Variants in PIK3R1 observed in about 807,000 individuals in gnomAD.
PIK3R1 encodes the protein phosphoinositide-3-kinase regulatory subunit 1.
In PIK3R1, 29 loss-of-function variants were observed where a neutral mutation model predicts 98.0. That is an observed-to-expected ratio of 0.30 (90% CI 0.22 to 0.40). The LOEUF (loss-of-function observed/expected upper bound fraction) is 0.40, where lower values mean the gene tolerates loss of function less well. Among genes scored for constraint, PIK3R1 ranks in the 10% least tolerant of loss-of-function variants. The pLI is 1.00. For synonymous variants in PIK3R1, 282 were observed against 311.8 expected (o/e 0.90, Z 1.01); for missense variants, 596 against 872.7 (o/e 0.68, Z 3.99).
At chr5:68,288,696 T>C (rs769733732) in intron 7 of PIK3R1, 2 of 1,610,718 alleles carry the variant, frequency 1.2e-6, no homozygotes, top group African/African-American at 1.3e-5. Flanking sequence ...TTTTTTTTTT[T>C]CATTGTCGGA....
Position 68,293,386 on chromosome 5 carries a change from T to C in PIK3R1, c.1202T>C (p.Val401Ala), listed in dbSNP as rs1184230510. ...GFSDPLTFSS[V>A]VELINHYRNE... ...TCTGACCCATTAACCTTCAGTTCTG[T>C]GGTTGAATTAATAAACCACTACCGG... Residue 401 changes from valine (V) to alanine (A), a missense_variant, in exon 10 of 16, where the codon GTG (valine) becomes GCG (alanine). Coordinates refer to ENST00000521381, the MANE Select transcript of PIK3R1 (RefSeq NM_181523.3). The C allele has an allele frequency of 6.2e-7, 1 of 1,613,306 alleles. No homozygotes were observed.
chr5:68,288,627 A>T, intron 7 of PIK3R1: 2 of 1,580,724 alleles, frequency 1.3e-6, no homozygotes, highest in South Asian at 2.3e-5. Context: ...CCTGCCGGGA[A>T]CAGGCTGGGG....
intron 2 of PIK3R1, among the ~76,000 whole-genome samples, chr5:68,256,187 T>C (rs1231092286): frequency 6.6e-6 from 1 of 152,020 alleles, no homozygotes; most frequent in Non-Finnish European, 1.5e-5. Flanking sequence ...TGTTTTTCTC[T>C]TTGAATATCA....
intron 15 of PIK3R1, 139 bp downstream of exon 15, chr5:68,296,480 A>G: frequency 1.3e-6 from 1 of 763,734 alleles, no homozygotes; most frequent in Non-Finnish European, 2.1e-6. Flanking sequence ...GTAGAAGAGA[A>G]ACCAAAGCAG....
chr5:68,296,794 C>T (rs1269601833), intron 15 of PIK3R1, among the ~76,000 whole-genome samples: 1 of 152,082 alleles, frequency 6.6e-6, no homozygotes, highest in Non-Finnish European at 1.5e-5. Context: ...ATAGGTACAC[C>T]CACATTGGAT....
At chr5:68,296,037 G>C in intron 14 of PIK3R1, 134 bp from the exon 15 acceptor site, 1 of 759,782 alleles carries the variant, frequency 1.3e-6, no homozygotes, top group Non-Finnish European at 2.1e-6. Flanking sequence ...GCAGAGGCAG[G>C]CATGTGATGG....
At chr5:68,251,642 G>C (rs1386992202) in intron 2 of PIK3R1, among the ~76,000 whole-genome samples, 4 of 152,058 alleles carry the variant, frequency 2.6e-5, no homozygotes, top group African/African-American at 9.7e-5. Context: ...TCTGATGGTA[G>C]CCCCAGCTGC....
At chr5:68,224,851 T>C (rs1744218065) in intron 1 of PIK3R1, among the ~76,000 whole-genome samples, 1 of 152,196 alleles carries the variant, frequency 6.6e-6, no homozygotes, top group African/African-American at 2.4e-5. Context: ...ACTTAGTAAC[T>C]CTCTAATTCC....
chr5:68,296,611 C>T (rs550573430), intron 15 of PIK3R1, among the ~76,000 whole-genome samples: 57 of 151,702 alleles, frequency 3.8e-4, no homozygotes, highest in African/African-American at 1.3e-3. Flanking sequence ...CATGAGAAAT[C>T]GCCAAGTCTT....
At position 68,275,520 on chromosome 5, in the gene PIK3R1, TA is replaced by T. The variant is rs58065578; in HGVS notation, c.502+1522del. ...CACAAAATGATGCAGTTTAGTTATT[TA>T]AAAAAAAAAAAAAACTCTTCACACC... On this transcript the variant is annotated intron_variant, in intron 4 of 15. Transcript: ENST00000521381. 3.8e-3 allele frequency among the ~76,000 whole-genome samples: 538 copies of T among 143,076 alleles called. 1 individual carries two copies. The highest frequency in any genetic ancestry group is 8.8e-3 in the African/African-American group (348 of 39,726). The allele number at this position is 143,076 out of a possible 152,430, so 93.9% of individuals were successfully genotyped here.
intron 1 of PIK3R1, among the ~76,000 whole-genome samples, chr5:68,222,102 A>G (rs1744111942): frequency 6.6e-6 from 1 of 152,244 alleles, no homozygotes; most frequent in South Asian, 2.1e-4. Flanking sequence ...AGCCTTTGCT[A>G]TGTGAATAAT....
intron 2 of PIK3R1, among the ~76,000 whole-genome samples, chr5:68,268,869 C>G (rs2112147038): frequency 6.6e-6 from 1 of 152,268 alleles, no homozygotes; most frequent in East Asian, 1.9e-4. Context: ...CCACTGTCTC[C>G]CACACACCGC....
intron 7 of PIK3R1, among the ~76,000 whole-genome samples, chr5:68,282,022 C>T (rs1035071165): frequency 4.6e-5 from 7 of 152,050 alleles, no homozygotes; most frequent in African/African-American, 1.4e-4. Flanking sequence ...ACTGAAGATG[C>T]GGGTATTGGG....
At chr5:68,231,463 T>A (rs1580178893) in intron 2 of PIK3R1, among the ~76,000 whole-genome samples, 2 of 152,370 alleles carry the variant, frequency 1.3e-5, no homozygotes. Context: ...CCATTGGTGT[T>A]GGTTTTCATG....
At chr5:68,234,180 G>A (rs1744583171) in intron 2 of PIK3R1, among the ~76,000 whole-genome samples, 1 of 152,198 alleles carries the variant, frequency 6.6e-6, no homozygotes, top group Non-Finnish European at 1.5e-5. Context: ...TAGTTCCAGT[G>A]TTCTCTAATT....
At chr5:68,242,606 G>A (rs780787484) in intron 2 of PIK3R1, among the ~76,000 whole-genome samples, 11 of 152,164 alleles carry the variant, frequency 7.2e-5, no homozygotes, top group Non-Finnish European at 1.3e-4. Flanking sequence ...CATTCTACCC[G>A]TCTAAGGAGT....
intron 2 of PIK3R1, among the ~76,000 whole-genome samples, chr5:68,267,920 A>G (rs567038208): frequency 9.9e-5 from 15 of 152,152 alleles, no homozygotes; most frequent in Non-Finnish European, 5.9e-5. Context: ...TTAGAAAAGT[A>G]TTGAGAACAG....
At chr5:68,281,418 GAAATGCCTGTCA>G (rs1425527823) in intron 7 of PIK3R1, among the ~76,000 whole-genome samples, 2 of 152,268 alleles carry the variant, frequency 1.3e-5, no homozygotes, top group Admixed American at 1.3e-4. Context: ...GGTATGCTGA[GAAATGCCTGTCA>G]AAATAAACAT....
rs1390123379 is a variant in PIK3R1 at position 68,291,190 on chromosome 5, T to G, written c.917-1069T>G. 1.4e-5 allele frequency: 3 copies of G among 215,802 alleles called. No individual in the cohort carries two copies. In the East Asian group the frequency reaches 3.8e-4, roughly 27 times the overall value. The allele number at this position is 215,802 out of a possible 1,614,324, so 13.4% of individuals were successfully genotyped here. ...TTGTGCTGCTTTTCTCTGTTGCCAG[T>G]GGATGAGAACAGTGTAGCACTTTGC... On this transcript the variant is annotated intron_variant, in intron 7 of 15. Transcript: ENST00000521381.
Sources: allele counts gnomAD v4.1 joint callset (sites outside exome capture counted in the v4.1 genomes callset), GRCh38; gene constraint gnomAD v4.1.1; transcripts MANE v1.5; gene names NCBI Gene and HGNC (gene_info 2026-07-23, HGNC 2026-07-21).